Variants in MGST2 observed in about 807,000 individuals in gnomAD.
MGST2 encodes the protein glutathione peroxidase MGST2.
In MGST2, 9 loss-of-function variants were observed where a neutral mutation model predicts 16.6. That is an observed-to-expected ratio of 0.54 (90% CI 0.33 to 0.95). The LOEUF is 0.95. Among genes scored for constraint, MGST2 ranks in the 40% least tolerant of loss-of-function variants. The pLI is 0.03. For missense variants in MGST2, 159 were observed against 175.1 expected, an observed-to-expected ratio of 0.91 and a Z score of 0.52; for synonymous variants, 79 against 68.0, an observed-to-expected ratio of 1.16 and a Z score of -0.79.
At position 139,703,444 on chromosome 4, in the gene MGST2, C is replaced by G. The variant is rs181185222; in HGVS notation, c.230-11C>G. On this transcript the variant is annotated splice_polypyrimidine_tract_variant and intron_variant, in intron 3 of 4. Transcript: ENST00000265498. ...TTGTGCCTTTTCTTTTTTTTTCCCACCCCCCTATAGTTTTTGCTACTTGTC... is the reference window on the plus strand; with the variant it reads ...TTGTGCCTTTTCTTTTTTTTTCCCAGCCCCCTATAGTTTTTGCTACTTGTC... 1.2e-6 allele frequency: 2 copies of G among 1,609,946 alleles called. No homozygotes were observed. The highest frequency in any genetic ancestry group is 1.7e-6 in the Non-Finnish European group (2 of 1,176,782).
chr4:139,725,046 A>G lies in MGST2; in HGVS notation c.*49-15166A>G, dbSNP rs28521599. Among the ~76,000 whole-genome samples, 1,080 of 152,300 alleles carry G rather than the reference A, an allele frequency of 7.1e-3. 11 individuals carry two copies. The highest frequency in any genetic ancestry group is 0.024 in the African/African-American group (1,008 of 41,560). ...AGTGCTAGGATTATAGGCGTGAGCC[A>G]CCGCACCCGGCCAAGGGCTCTCTCT... On this transcript the variant is annotated intron_variant, in intron 5 of 5. Transcript: ENST00000616265.
At chr4:139,703,344 G>A (rs1727376773) in intron 3 of MGST2, 111 bp from the exon 4 acceptor site, 1 of 875,340 alleles carries the variant, frequency 1.1e-6, no homozygotes, top group Non-Finnish European at 1.9e-6. Flanking sequence ...CTGAATATAA[G>A]TATCTTGTCC....
intron 3 of MGST2, chr4:139,698,372 A>C (rs1385652344): frequency 1.2e-6 from 2 of 1,607,430 alleles, no homozygotes; most frequent in Non-Finnish European, 1.7e-6. Flanking sequence ...TGCGAACCAG[A>C]AGTTCAGTGG....
intron 2 of MGST2, among the ~76,000 whole-genome samples, chr4:139,682,159 A>G (rs191639731): frequency 6.6e-6 from 1 of 151,916 alleles, no homozygotes; most frequent in Non-Finnish European, 1.5e-5. Flanking sequence ...TCATGCCACT[A>G]TACTCCAGCC....
At chr4:139,686,676 T>C (rs1280704053) in intron 2 of MGST2, among the ~76,000 whole-genome samples, 1 of 152,278 alleles carries the variant, frequency 6.6e-6, no homozygotes, top group Non-Finnish European at 1.5e-5. Flanking sequence ...AGCTACACTC[T>C]TTCTGCTCTT....
At chr4:139,682,408 A>G (rs1731299121) in intron 2 of MGST2, among the ~76,000 whole-genome samples, 1 of 152,120 alleles carries the variant, frequency 6.6e-6, no homozygotes, top group African/African-American at 2.4e-5. Context: ...CTTGGGTCAG[A>G]GACAATAGTC....
chr4:139,729,187 T>C (rs1037583654), intron 5 of MGST2, among the ~76,000 whole-genome samples: 1 of 119,002 alleles, frequency 8.4e-6, no homozygotes, highest in Non-Finnish European at 1.7e-5. Context: ...AAAGGGAACA[T>C]AAGTGAACTG....
At chr4:139,730,708 A>G in intron 5 of MGST2, 1 of 1,555,660 alleles carries the variant, frequency 6.4e-7, no homozygotes, top group Non-Finnish European at 8.8e-7. Flanking sequence ...GATTCCCCAT[A>G]GAGACTCACT....
At position 139,703,469 on chromosome 4, in the gene MGST2, C is replaced by G; in HGVS notation, c.244C>G (p.Leu82Val). 3.1e-6 allele frequency: 5 copies of G among 1,613,462 alleles called. No individual in the cohort carries two copies. The highest frequency in any genetic ancestry group is 4.2e-6 in the Non-Finnish European group (5 of 1,179,812). Residue 82 changes from leucine (L) to valine (V), a missense_variant, in exon 4 of 5, where the codon CTG becomes GTG. By Grantham distance (32) the Leu-to-Val change is conservative (BLOSUM62 1). Transcript: ENST00000265498. ...CCCCCCTATAGTTTTTGCTACTTGT[C>G]TGGGTCTGGTGTACATATATGGCCG... ...WYFNQVFATC[L>V]GLVYIYGRHL...
intron 5 of MGST2, among the ~76,000 whole-genome samples, chr4:139,723,692 A>T (rs1728352454): frequency 6.6e-6 from 1 of 152,194 alleles, no homozygotes; most frequent in Non-Finnish European, 1.5e-5. Context: ...GGGAATTATT[A>T]AATAATTCCC....
At chr4:139,719,210 G>T (rs1728119119) in intron 5 of MGST2, 3 of 1,242,692 alleles carry the variant, frequency 2.4e-6, no homozygotes, top group African/African-American at 1.5e-5. Context: ...CTGCAGTTTT[G>T]CTCAGTTTAC....
chr4:139,750,850 A>T, the MGST2 span, among the ~76,000 whole-genome samples: 13 of 152,284 alleles, frequency 8.5e-5, 1 homozygote, highest in Non-Finnish European at 5.9e-5. Context: ...TAAAAACTGA[A>T]GTGGGAGGAA....
chr4:139,673,869 G>T (rs1304172504), intron 1 of MGST2, among the ~76,000 whole-genome samples: 2 of 152,112 alleles, frequency 1.3e-5, no homozygotes, highest in Non-Finnish European at 2.9e-5. Context: ...AAAGGCAGGG[G>T]TATATTTCAG....
the MGST2 span, among the ~76,000 whole-genome samples, chr4:139,754,241 A>C: frequency 2.0e-5 from 3 of 152,250 alleles, no homozygotes; most frequent in Non-Finnish European, 4.4e-5. Flanking sequence ...AAAAATCACT[A>C]ATTTTAATCA....
At chr4:139,727,938 G>A (rs932658487) in intron 5 of MGST2, among the ~76,000 whole-genome samples, 1 of 152,148 alleles carries the variant, frequency 6.6e-6, no homozygotes, top group Non-Finnish European at 1.5e-5. Context: ...AGAGCTGGCC[G>A]GGTGCCGTGG....
intron 5 of MGST2, among the ~76,000 whole-genome samples, chr4:139,726,056 CAG>C (rs1272760934): frequency 6.6e-6 from 1 of 152,222 alleles, no homozygotes; most frequent in African/African-American, 2.4e-5. Context: ...CATCAAGAAA[CAG>C]AACGCTGCCA....
chr4:139,667,729 G>A (rs1323851344), intron 1 of MGST2, among the ~76,000 whole-genome samples: 3 of 151,982 alleles, frequency 2.0e-5, no homozygotes, highest in African/African-American at 4.8e-5. Context: ...ATGGTGGCAC[G>A]CTCCTGTAGT....
chr4:139,680,386 GA>G (rs1409204035), intron 2 of MGST2, among the ~76,000 whole-genome samples: 2 of 152,044 alleles, frequency 1.3e-5, no homozygotes, highest in Non-Finnish European at 2.9e-5. Context: ...CTGCAGAACT[GA>G]AAATCTCCTT....
At chr4:139,745,588 G>A (rs1379825734), downstream of MGST2, among the ~76,000 whole-genome samples, 4 of 152,122 alleles carry the variant, frequency 2.6e-5, no homozygotes, top group Non-Finnish European at 5.9e-5. Context: ...TCCGGTCTGG[G>A]ATCCCACCTC....
Sources: allele counts gnomAD v4.1 joint callset (sites outside exome capture counted in the v4.1 genomes callset), GRCh38; gene constraint gnomAD v4.1.1; transcripts MANE v1.5; gene names NCBI Gene and HGNC (gene_info 2026-07-23, HGNC 2026-07-21).